The following ZNF287 variants were observed in gnomAD, a reference collection of about 807,000 sequenced individuals.
ZNF287 encodes zinc finger protein with KRAB and SCAN domains 13.
A neutral mutation model predicts 73.7 loss-of-function variants in ZNF287; 31 were observed. The ratio of observed to expected loss-of-function variants is 0.42; its 90% CI spans 0.32 to 0.57. ZNF287 has a LOEUF of 0.57. Ranked by LOEUF, ZNF287 falls within the 20% of genes least tolerant of loss-of-function variation. The probability of loss-of-function intolerance (pLI) is 0.13; values close to 1 mark genes in which losing one functional copy is unlikely to be tolerated. For missense variants in ZNF287, 641 were observed against 909.3 expected (o/e 0.70, Z 3.79); for synonymous variants, 301 against 307.2 (o/e 0.98, Z 0.21).
At chr17:16,562,385 A>G (rs1326823063) in intron 5 of ZNF287, among the ~76,000 whole-genome samples, 2 of 152,220 alleles carry the variant, frequency 1.3e-5, no homozygotes, top group Middle Eastern at 3.2e-3. Context: ...CTATTTTTAT[A>G]TTGACTTTAT....
intron 5 of ZNF287, among the ~76,000 whole-genome samples, chr17:16,555,461 T>G (rs571094494): frequency 3.3e-5 from 5 of 152,312 alleles, no homozygotes; most frequent in African/African-American, 1.2e-4. Context: ...TTATCCTTCT[T>G]TCACATTTCG....
At chr17:16,564,196 G>T (rs996953970) in intron 3 of ZNF287, among the ~76,000 whole-genome samples, 7 of 152,128 alleles carry the variant, frequency 4.6e-5, no homozygotes. Flanking sequence ...AAAGGAAAAG[G>T]TTTATTATCA....
At chr17:16,559,640 C>A (rs1009537140) in intron 5 of ZNF287, among the ~76,000 whole-genome samples, 1 of 151,466 alleles carries the variant, frequency 6.6e-6, no homozygotes, top group African/African-American at 2.4e-5. Flanking sequence ...AGCAATGATA[C>A]CCATAAACAG....
At position 16,567,695 on chromosome 17, in the gene ZNF287, G is replaced by T; in HGVS notation, c.37C>A (p.Arg13Ser). ...TTCCACCTTAGAAGGATTTGAGAAC[G>T]TGAAGAACTGTTCATCCTCTTGCTT... ...ASSKRMNSSS[R>S]SQILLRWKSD... Residue 13 changes from arginine to serine, a missense_variant, in exon 2 of 6, where the codon CGT becomes AGT. This residue lies in a region of ZNF287 where 357 missense variants were observed against 442.4 expected (regional missense o/e 0.81). Transcript: ENST00000395825. 1 of 1,613,614 alleles carries T rather than the reference G, an allele frequency of 6.2e-7. No homozygotes were observed. Among genetic ancestry groups the T allele is most frequent in the Non-Finnish European group, 8.5e-7 (1 of 1,179,716 alleles).
intron 5 of ZNF287, chr17:16,558,865 T>C (rs1907239404): frequency 6.6e-6 from 1 of 152,142 alleles, no homozygotes; most frequent in African/African-American, 2.4e-5. Flanking sequence ...TAGTCCTACC[T>C]ACTCAGGAGG....
chr17:16,548,644 A>C lies in ZNF287; in HGVS notation c.*3212T>G, dbSNP rs899055544. The stretch of plus-strand genomic sequence containing the variant: ...AACCCCATCTCTACTAAAAAAATAC[A>C]AAGAAATTAGCCGGGCGTGGTGGCG... On this transcript the variant is annotated 3_prime_UTR_variant, in exon 6 of 6. Transcript: ENST00000395825. 2.0e-5 allele frequency among the ~76,000 whole-genome samples: 3 copies of C among 151,978 alleles called. No individual in the cohort carries two copies. The highest frequency in any genetic ancestry group is 7.2e-5 in the African/African-American group (3 of 41,384).
chr17:16,548,939 GT>G lies in ZNF287; in HGVS notation c.*2916del, dbSNP rs145728796. Among the ~76,000 whole-genome samples the G allele has an allele frequency of 2.2e-4, 32 of 144,328 alleles. No individual in the cohort carries two copies. The highest frequency in any genetic ancestry group is 6.4e-4 in the African/African-American group (25 of 38,998). The allele number at this position is 144,328 out of a possible 152,430, so 94.7% of individuals were successfully genotyped here. ...TTCAGATATTAGGGAATTACTATTT[GT>G]TTTTTTTTTAAAGGTATGTAAATGT... On this transcript the variant is annotated 3_prime_UTR_variant, in exon 6 of 6. Coordinates refer to ENST00000395825, the MANE Select transcript of ZNF287 (RefSeq NM_020653.4).
At chr17:16,555,067 A>G (rs1447842725) in intron 5 of ZNF287, among the ~76,000 whole-genome samples, 2 of 152,252 alleles carry the variant, frequency 1.3e-5, no homozygotes, top group Non-Finnish European at 2.9e-5. Flanking sequence ...TTATATGAGT[A>G]CAGTCATGGA....
Position 16,560,522 on chromosome 17 carries a change from G to A in ZNF287, c.715+2624C>T, listed in dbSNP as rs535907642. Among the ~76,000 whole-genome samples the A allele has an allele frequency of 4.0e-5, 6 of 150,212 alleles. No homozygotes were observed. The East Asian group carries it at 1.2e-3, about 31-fold the overall frequency. ...CCACCACCACGCCCAGCTAATTTTT[G>A]TATTTTCAGTAGAGACAGAGTTTCA... On this transcript the variant is annotated intron_variant, in intron 5 of 5. Transcript: ENST00000395825.
chr17:16,553,474 A>C, intron 5 of ZNF287, 48 bp from the exon 6 acceptor site: 1 of 1,350,548 alleles, frequency 7.4e-7, no homozygotes, highest in Non-Finnish European at 9.8e-7. Context: ...TGGAGAAAGG[A>C]AACTGCCAAA....
chr17:16,563,731 G>A lies in ZNF287; in HGVS notation c.596C>T (p.Thr199Met), dbSNP rs770221561. The A allele has an allele frequency of 2.9e-5, 47 of 1,613,582 alleles. No homozygotes were observed. Among genetic ancestry groups the A allele is most frequent in the African/African-American group, 4.0e-5 (3 of 74,904 alleles). ...AACCATGTTCCAATAGTTCTGTAAC[G>A]TCACAGTCTTGTATAATTCCTTCTG... ...PVQKELYKTV[T>M]LQNYWNMVSL... Residue 199 changes from threonine to methionine, a missense_variant, in exon 4 of 6, where the codon ACG becomes ATG. Thr to Met is a moderately conservative substitution (Grantham distance 81). Around this residue, in one of 2 missense-constraint regions of ZNF287, gnomAD observed 357 missense variants for 442.4 expected, o/e 0.81. Coordinates refer to ENST00000395825, the MANE Select transcript of ZNF287 (RefSeq NM_020653.4).
Position 16,567,349 on chromosome 17 carries a change from G to A in ZNF287, c.383C>T (p.Thr128Ile). 1 of 1,613,512 alleles carries A rather than the reference G, an allele frequency of 6.2e-7. No individual in the cohort carries two copies. Among genetic ancestry groups the A allele is most frequent in the African/African-American group, 1.3e-5 (1 of 75,024 alleles). Reference protein sequence around the residue: ...EEAVTLVEDLTQILEEEAPQN... With the variant: ...EEAVTLVEDLIQILEEEAPQN... The stretch of plus-strand genomic sequence containing the variant: ...CTCACCTTCCTCTTCTAGAATCTGA[G>A]TCAAATCCTCCACCAGAGTCACTGC... The change falls in exon 2 of 6, where the codon ACT becomes ATT. Residue 128 changes from threonine to isoleucine, a missense_variant. This residue lies in a region of ZNF287 where 357 missense variants were observed against 442.4 expected (regional missense o/e 0.81). Coordinates refer to ENST00000395825, the MANE Select transcript of ZNF287 (RefSeq NM_020653.4).
chr17:16,563,655 A>T, intron 4 of ZNF287, 44 bp downstream of exon 4: 1 of 1,577,046 alleles, frequency 6.3e-7, no homozygotes, highest in Middle Eastern at 1.7e-4. Context: ...ACCCATTTTT[A>T]ATGGGAACAG....
Position 16,551,354 on chromosome 17 carries a change from C to T in ZNF287, c.*502G>A, listed in dbSNP as rs1906641307. The T allele has an allele frequency of 6.5e-6, 1 of 153,518 alleles. No individual in the cohort carries two copies. The highest frequency in any genetic ancestry group is 6.5e-5 in the Admixed American group (1 of 15,472). The allele number at this position is 153,518 out of a possible 1,614,324, so 9.5% of individuals were successfully genotyped here. ...ATGTACAGTTGACCCTTGAACAACA[C>T]ATTTGAACTGTACAGATCCATTTAT... On this transcript the variant is annotated 3_prime_UTR_variant, in exon 6 of 6. Coordinates refer to ENST00000395825, the MANE Select transcript of ZNF287 (RefSeq NM_020653.4).
rs1439010682 is a variant in ZNF287 at position 16,548,583 on chromosome 17, G to C, written c.*3273C>G. On this transcript the variant is annotated 3_prime_UTR_variant, in exon 6 of 6. Coordinates refer to ENST00000395825, the MANE Select transcript of ZNF287 (RefSeq NM_020653.4). ...GAGGCTGAGGCGGGTGGATCACGAG[G>C]TCAGGATATCGAGACAAGCCTGGCT... 6.6e-6 allele frequency among the ~76,000 whole-genome samples: 1 copy of C among 152,042 alleles called. No individual in the cohort carries two copies. The highest frequency in any genetic ancestry group is 2.4e-5 in the African/African-American group (1 of 41,388).
chr17:16,567,436 G>A lies in ZNF287; in HGVS notation c.296C>T (p.Thr99Ile). The change falls in exon 2 of 6, where the codon ACC (threonine) becomes ATC (isoleucine). Residue 99 changes from threonine to isoleucine, a missense_variant. Transcript: ENST00000395825. The part of the protein sequence containing the change: ...LELLVLEQFL[T>I]ILPGEVRTWV... ...AGTCCTAACCTCACCAGGCAGGATG[G>A]TCAGGAATTGCTCCAGCACCAGCAG... 1 of 1,614,184 alleles carries A rather than the reference G, an allele frequency of 6.2e-7. No homozygotes were observed. Among genetic ancestry groups the A allele is most frequent in the South Asian group, 1.1e-5 (1 of 91,088 alleles).
chr17:16,551,616 C>A lies in ZNF287; in HGVS notation c.*240G>T. On this transcript the variant is annotated 3_prime_UTR_variant, in exon 6 of 6. Coordinates refer to ENST00000395825, the MANE Select transcript of ZNF287 (RefSeq NM_020653.4). The stretch of plus-strand genomic sequence containing the variant: ...GAGTTATGTTTTTGAATACCCTTCA[C>A]AGGGTTTCTTTCTGTAATGAATTAA... 2.2e-6 allele frequency: 1 copy of A among 446,394 alleles called. No homozygotes were observed. The highest frequency in any genetic ancestry group is 3.9e-6 in the Non-Finnish European group (1 of 254,878). The allele number at this position is 446,394 out of a possible 1,614,324, so 27.7% of individuals were successfully genotyped here.
At chr17:16,559,285 CA>C (rs1312633150) in intron 5 of ZNF287, 2 of 151,448 alleles carry the variant, frequency 1.3e-5, no homozygotes, top group East Asian at 3.9e-4. Context: ...TTTTAAAAAG[CA>C]AAAAAACACT....
chr17:16,559,300 C>G (rs1010645000), intron 5 of ZNF287: 2 of 151,962 alleles, frequency 1.3e-5, no homozygotes, highest in Non-Finnish European at 2.9e-5. Flanking sequence ...AAACACTATC[C>G]TTAGTGGTAT....
Sources: allele counts gnomAD v4.1 joint callset (sites outside exome capture counted in the v4.1 genomes callset), GRCh38; gene constraint gnomAD v4.1.1; regional missense constraint gnomAD v4.1.1; transcripts MANE v1.5; gene names NCBI Gene and HGNC (gene_info 2026-07-23, HGNC 2026-07-21).